The following RYR2 variants were observed in gnomAD, a reference collection of about 807,000 sequenced individuals.
RYR2 encodes cardiac muscle ryanodine receptor-calcium release channel.
In RYR2, 227 loss-of-function variants were observed where a neutral mutation model predicts 601.1. The observed-to-expected ratio is 0.38, with a 90% CI of 0.34 to 0.42. RYR2 has a LOEUF of 0.42. Ranked by LOEUF, RYR2 falls within the 10% of genes least tolerant of loss-of-function variation. The pLI is 1.00. For synonymous variants in RYR2, 2,223 were observed against 2,175.1 expected (o/e 1.02, Z -0.61); for missense variants, 4,646 against 6,156.5 (o/e 0.75, Z 8.21).
chr1:237,091,709 G>A (rs1311503916), intron 1 of RYR2, among the ~76,000 whole-genome samples: 2 of 152,230 alleles, frequency 1.3e-5, no homozygotes, highest in Non-Finnish European at 2.9e-5. Flanking sequence ...ACAGGCGTGA[G>A]CCACTGCACC....
chr1:237,107,441 A>T (rs1484865061), intron 1 of RYR2, among the ~76,000 whole-genome samples: 2 of 136,156 alleles, frequency 1.5e-5, no homozygotes, highest in Non-Finnish European at 1.5e-5. Flanking sequence ...GAATGGCGTG[A>T]ACCCAGAGGT....
chr1:237,251,603 C>A (rs1021608380), intron 1 of RYR2, among the ~76,000 whole-genome samples: 1 of 152,136 alleles, frequency 6.6e-6, no homozygotes, highest in East Asian at 1.9e-4. Context: ...ACTTTTAGAT[C>A]GTCCTGTCTT....
intron 29 of RYR2, among the ~76,000 whole-genome samples, chr1:237,576,207 T>C (rs891297732): frequency 1.3e-5 from 2 of 152,204 alleles, no homozygotes; most frequent in Admixed American, 6.5e-5. Context: ...AATCCGTCGA[T>C]CAGACTTTTC....
At chr1:237,103,286 G>A (rs1668321752) in intron 1 of RYR2, among the ~76,000 whole-genome samples, 1 of 152,198 alleles carries the variant, frequency 6.6e-6, no homozygotes, top group Non-Finnish European at 1.5e-5. Context: ...CCTCACTGTT[G>A]CGTGAGTCAT....
chr1:237,731,953 T>A, intron 77 of RYR2, 93 bp from the exon 78 acceptor site: 1 of 728,336 alleles, frequency 1.4e-6, no homozygotes, highest in Non-Finnish European at 2.4e-6. Context: ...TTCGCATTCC[T>A]TTTATTCTTC....
intron 80 of RYR2, among the ~76,000 whole-genome samples, chr1:237,751,099 A>G (rs1339811729): frequency 6.6e-6 from 1 of 152,160 alleles, no homozygotes; most frequent in Non-Finnish European, 1.5e-5. Flanking sequence ...TTTTCCCACT[A>G]AGTAGTCCAA....
intron 3 of RYR2, chr1:237,352,867 A>C: frequency 1.9e-6 from 1 of 515,652 alleles, no homozygotes; most frequent in Non-Finnish European, 3.9e-6. Flanking sequence ...TAGGTATACA[A>C]GGGTGGGTGA....
chr1:237,329,021 C>T (rs370414759), intron 2 of RYR2, among the ~76,000 whole-genome samples: 3 of 152,056 alleles, frequency 2.0e-5, no homozygotes, highest in South Asian at 2.1e-4. Flanking sequence ...CTTGTCTAAG[C>T]GAAAGCATAC....
chr1:237,380,552 T>C (rs1701419910), intron 8 of RYR2, among the ~76,000 whole-genome samples: 1 of 150,562 alleles, frequency 6.6e-6, no homozygotes, highest in Admixed American at 6.6e-5. Context: ...GATTAAATGC[T>C]GGAATCCAAC....
At position 237,441,292 on chromosome 1, in the gene RYR2, G is replaced by A. The variant is rs767007366; in HGVS notation, c.1006-27G>A. The A allele has an allele frequency of 1.7e-5, 28 of 1,612,674 alleles. No individual in the cohort carries two copies. In the East Asian group the frequency reaches 6.0e-4, roughly 35 times the overall value. On this transcript the variant is annotated intron_variant, in intron 12 of 104. Coordinates refer to ENST00000366574, the MANE Select transcript of RYR2 (RefSeq NM_001035.3). Reference sequence around the variant, plus strand: ...CACTAGTATTTTTGAAATGTTTACTGACCTTTTTTTCCTCCTCTCCCCTTA... The same window carrying A: ...CACTAGTATTTTTGAAATGTTTACTAACCTTTTTTTCCTCCTCTCCCCTTA...
chr1:237,560,285 C>T (rs986998154), intron 27 of RYR2, among the ~76,000 whole-genome samples: 2 of 152,352 alleles, frequency 1.3e-5, no homozygotes, highest in Admixed American at 6.5e-5. Context: ...TTATTGCTGC[C>T]TCACAAAGCT....
At chr1:237,211,508 G>A (rs1326073760) in intron 1 of RYR2, among the ~76,000 whole-genome samples, 1 of 152,178 alleles carries the variant, frequency 6.6e-6, no homozygotes, top group Non-Finnish European at 1.5e-5. Flanking sequence ...TTCCCAGCTA[G>A]TACGTGGTAC....
chr1:237,136,091 A>C (rs1367166188), intron 1 of RYR2, among the ~76,000 whole-genome samples: 1 of 152,218 alleles, frequency 6.6e-6, no homozygotes, highest in East Asian at 1.9e-4. Flanking sequence ...AATTACCAAC[A>C]TAACTTGAGT....
At chr1:237,142,725 G>T (rs888236666) in intron 1 of RYR2, among the ~76,000 whole-genome samples, 1 of 152,158 alleles carries the variant, frequency 6.6e-6, no homozygotes, top group African/African-American at 2.4e-5. Context: ...CACACAGAGG[G>T]ACCGCTAAGC....
At position 237,445,172 on chromosome 1, in the gene RYR2, A is replaced by AC. The variant is rs200950658; in HGVS notation, c.1171-225dup. ...AGACCAGCCTGGGCAACATAGCAAG[A>AC]CCCCATCTCAAAAAAATGAAGTAAT... On this transcript the variant is annotated intron_variant, in intron 13 of 104. Coordinates refer to ENST00000366574, the MANE Select transcript of RYR2 (RefSeq NM_001035.3). Among the ~76,000 whole-genome samples the AC allele has an allele frequency of 0.013, 2,052 of 152,184 alleles. 38 individuals are homozygous for AC. The highest frequency in any genetic ancestry group is 0.079 in the East Asian group (406 of 5,160).
intron 1 of RYR2, among the ~76,000 whole-genome samples, chr1:237,163,980 C>A (rs1014738893): frequency 6.6e-6 from 1 of 152,172 alleles, no homozygotes; most frequent in African/African-American, 2.4e-5. Flanking sequence ...GCTTCAAATT[C>A]AGAAAGCTCA....
At chr1:237,776,423 G>C (rs1197590495) in intron 87 of RYR2, among the ~76,000 whole-genome samples, 2 of 152,244 alleles carry the variant, frequency 1.3e-5, no homozygotes, top group African/African-American at 4.8e-5. Context: ...CCACTAGAAG[G>C]AATCTTGTGC....
intron 34 of RYR2, among the ~76,000 whole-genome samples, chr1:237,601,343 A>C (rs1676478650): frequency 6.6e-6 from 1 of 152,220 alleles, no homozygotes; most frequent in Non-Finnish European, 1.5e-5. Context: ...AGAAAGAAAA[A>C]TACTGCATTG....
intron 1 of RYR2, among the ~76,000 whole-genome samples, chr1:237,203,342 G>A (rs1156469597): frequency 6.6e-6 from 1 of 152,122 alleles, no homozygotes; most frequent in African/African-American, 2.4e-5. Flanking sequence ...GCTGTTTAGT[G>A]TATATTATTC....
Sources: allele counts gnomAD v4.1 joint callset (sites outside exome capture counted in the v4.1 genomes callset), GRCh38; gene constraint gnomAD v4.1.1; transcripts MANE v1.5; gene names NCBI Gene and HGNC (gene_info 2026-07-23, HGNC 2026-07-21).